The following ADRB3 variants were observed in gnomAD, a reference collection of about 807,000 sequenced individuals.
ADRB3 encodes the protein beta-3 adrenergic receptor.
A neutral mutation model predicts 23.8 loss-of-function variants in ADRB3; 33 were observed. The ratio of observed to expected loss-of-function variants is 1.38; its 90% confidence interval spans 1.05 to 1.85. ADRB3 has a LOEUF of 1.85. Among genes scored for constraint, ADRB3 ranks in the 40% most tolerant of loss-of-function variants. ADRB3 has a pLI of 0.00. For synonymous variants in ADRB3, 289 were observed against 273.0 expected (o/e 1.06, Z -0.58); for missense variants, 600 against 579.6 (o/e 1.04, Z -0.36).
intron 1 of ADRB3, 56 bp from the exon 2 acceptor site, chr8:37,964,295 T>A: frequency 1.4e-6 from 2 of 1,461,916 alleles, no homozygotes; most frequent in South Asian, 2.3e-5. Context: ...ACAGGTGCAC[T>A]GAGGGGAATG....
rs1563398142 is a variant in ADRB3, at chr8:37,966,158, C to CGTTG, written c.311_312insCAAC (p.Leu105AsnfsTer317). ...ACAGCTCGCAGCCAGTGGCGCCCAA[C>CGTTG]GGCCAGTGGCCAGTCAGCGCCAAGG... On this transcript the variant is annotated frameshift_variant, in exon 1 of 2. Coordinates refer to ENST00000345060, the MANE Select transcript of ADRB3 (RefSeq NM_000025.3). LOFTEE classifies it high-confidence loss of function. The CGTTG allele has an allele frequency of 1.9e-6, 3 of 1,610,010 alleles. No individual in the cohort carries two copies. The Admixed American group carries it at 5.0e-5, about 27-fold the overall frequency.
Position 37,965,321 on chromosome 8 carries a change from G to C in ADRB3, c.1149C>G (p.Gly383=), listed in dbSNP as rs1265613004. 1.9e-6 allele frequency: 3 copies of C among 1,541,924 alleles called. No individual in the cohort carries two copies. Among genetic ancestry groups the C allele is most frequent in the Non-Finnish European group, 2.6e-6 (3 of 1,147,890 alleles). ...AAARPALFPS[G]VPAARSSPAQ... ...CTGGGCTGCTCCGGGCCGCAGGAAC[G>C]CCCGAGGGGAAGAGGGCCGGGCGGG... The change falls in exon 1 of 2, where the codon GGC becomes GGG. Residue 383 remains glycine (G), a synonymous_variant. Transcript: ENST00000345060.
At position 37,965,669 on chromosome 8, in the gene ADRB3, A is replaced by G. The variant is rs781541551; in HGVS notation, c.801T>C (p.Ala267=). The stretch of plus-strand genomic sequence containing the variant: ...CGCAGGCGGGCACCCCTTCGGGCGG[A>G]GCGCACGTCCCCACCGGGGCCGGGG... The part of the protein sequence containing the change: ...SLAPAPVGTC[A]PPEGVPACGR... Residue 267 remains alanine (A), a synonymous_variant, in exon 1 of 2, where the codon GCT becomes GCC. Transcript: ENST00000345060. The G allele has an allele frequency of 5.9e-6, 9 of 1,536,500 alleles. No homozygotes were observed. Among genetic ancestry groups the G allele is most frequent in the Non-Finnish European group, 7.0e-6 (8 of 1,141,484 alleles).
rs1808231919 is a variant in ADRB3, at chr8:37,963,159, ACACACACACACACACACACG to A, written c.*1039_*1058del. 1.3e-5 allele frequency: 2 copies of A among 149,446 alleles called. No homozygotes were observed. The highest frequency in any genetic ancestry group is 3.0e-5 in the Non-Finnish European group (2 of 67,172). 9.3% of individuals were successfully genotyped at this position (149,446 alleles called of 1,614,324 possible). A position where few individuals can be genotyped will look rare whatever the true frequency, so the allele number is the denominator to read the frequency against. The stretch of plus-strand genomic sequence containing the variant: ...ATGCTTTGTGCCTGTGCCTCCAGAC[ACACACACACACACACACACG>A]CACACACACACACACACACCATGTA... On this transcript the variant is annotated 3_prime_UTR_variant, in exon 2 of 2. Transcript: ENST00000345060.
chr8:37,965,360 C>G lies in ADRB3; in HGVS notation c.1110G>C (p.Glu370Asp), dbSNP rs1215852163. ...GGGCCGGGCGGGCGGCGGCGCAGGGCTCCGGAGGCAGGCGACGGCCGCAGC... is the reference window on the plus strand; with the variant it reads ...GGGCCGGGCGGGCGGCGGCGCAGGGGTCCGGAGGCAGGCGACGGCCGCAGC... ...LCRCGRRLPP[E>D]PCAAARPALF... The change falls in exon 1 of 2, where the codon GAG becomes GAC. Residue 370 changes from glutamate to aspartate, a missense_variant. Glu to Asp is a conservative substitution (Grantham distance 45). Coordinates refer to ENST00000345060, the MANE Select transcript of ADRB3 (RefSeq NM_000025.3). 6 of 1,547,376 alleles carry G rather than the reference C, an allele frequency of 3.9e-6. No individual in the cohort carries two copies. Among genetic ancestry groups the G allele is most frequent in the Non-Finnish European group, 5.2e-6 (6 of 1,146,134 alleles).
rs778036430 is a variant in ADRB3, at chr8:37,965,858, G to A, written c.612C>T (p.Tyr204=). The A allele has an allele frequency of 1.3e-6, 2 of 1,553,700 alleles. No individual in the cohort carries two copies. The highest frequency in any genetic ancestry group is 4.8e-5 in the East Asian group (2 of 41,276). ...AGGAGACGGAGGAGGACAGCAGCAC[G>A]TAGGGCATGTTGGAGGCGAAGGCAC... ...RCCAFASNMP[Y]VLLSSSVSFY... The change falls in exon 1 of 2, where the codon TAC becomes TAT. Residue 204 remains tyrosine (Y), a synonymous_variant. Transcript: ENST00000345060.
At chr8:37,964,283 C>A in intron 1 of ADRB3, 44 bp from the exon 2 acceptor site, 1 of 1,560,040 alleles carries the variant, frequency 6.4e-7, no homozygotes, top group Admixed American at 1.7e-5. Context: ...GTGAAAGGAG[C>A]AACAGGTGCA....
chr8:37,965,165 C>T lies in ADRB3; in HGVS notation c.1205+100G>A, dbSNP rs1344529189. On this transcript the variant is annotated intron_variant, in intron 1 of 1. Transcript: ENST00000345060. ...CTTTTCTCTCCAAGCAAAGCCATCC[C>T]ACCTTCTCTTAATAAACTCCACACT... 7.4e-6 allele frequency: 9 copies of T among 1,211,888 alleles called. No individual in the cohort carries two copies. The East Asian group carries it at 1.7e-4, about 24-fold the overall frequency. The allele number at this position is 1,211,888 out of a possible 1,614,324, so 75.1% of individuals were successfully genotyped here. A position where few individuals can be genotyped will look rare whatever the true frequency, so the allele number is the denominator to read the frequency against.
At position 37,966,278 on chromosome 8, in the gene ADRB3, C is replaced by A; in HGVS notation, c.192G>T (p.Trp64Cys). ...TGGTCATGGTCTGGAGTCTCGGAGT[C>A]CAGGCGATGGCCACGATGACCAGCA... is the stretch of plus-strand genomic sequence containing the variant. ...GNLLVIVAIAWTPRLQTMTNV... is the reference protein window; with the variant it reads ...GNLLVIVAIACTPRLQTMTNV... The change falls in exon 1 of 2, where the codon TGG becomes TGT. Residue 64 changes from tryptophan to cysteine, a missense_variant. Transcript: ENST00000345060. 6.2e-7 allele frequency: 1 copy of A among 1,613,772 alleles called. No individual in the cohort carries two copies. The highest frequency in any genetic ancestry group is 8.5e-7 in the Non-Finnish European group (1 of 1,179,834).
At position 37,965,626 on chromosome 8, in the gene ADRB3, GGC is replaced by G; in HGVS notation, c.842_843del (p.Arg281ProfsTer139). ...GVPACGRRPARLLPLREHRAL... is the reference protein window; with the variant it reads ...GVPACGRRPAXLLPLREHRAL... Reference sequence around the variant, plus strand: ...GCCCGGTGTTCCCGGAGAGGCAGGAGGCGCGCGGGCCGCCGGCCGCAGGCGGG... The same window carrying G: ...GCCCGGTGTTCCCGGAGAGGCAGGAGGCGCGGGCCGCCGGCCGCAGGCGGG... On this transcript the variant is annotated frameshift_variant, in exon 1 of 2. Transcript: ENST00000345060. LOFTEE classifies it high-confidence loss of function. 1 of 1,534,484 alleles carries G rather than the reference GGC, an allele frequency of 6.5e-7. No homozygotes were observed.
Position 37,965,834 on chromosome 8 carries a change from G to A in ADRB3, c.636C>T (p.Ser212=), listed in dbSNP as rs1429691811. Residue 212 remains serine, a synonymous_variant, in exon 1 of 2, where the codon TCC becomes TCT. Transcript: ENST00000345060. ...MPYVLLSSSV[S]FYLPLLVMLF... Reference sequence around the variant, plus strand: ...GCATCACGAGAAGAGGAAGGTAGAAGGAGACGGAGGAGGACAGCAGCACGT... The same window carrying A: ...GCATCACGAGAAGAGGAAGGTAGAAAGAGACGGAGGAGGACAGCAGCACGT... 2 of 1,553,326 alleles carry A rather than the reference G, an allele frequency of 1.3e-6. No individual in the cohort carries two copies. Among genetic ancestry groups the A allele is most frequent in the Admixed American group, 2.0e-5 (1 of 51,044 alleles).
Position 37,965,344 on chromosome 8 carries a change from G to A in ADRB3, c.1126C>T (p.Arg376Cys), listed in dbSNP as rs1043543911. The change falls in exon 1 of 2, where the codon CGC (arginine) becomes TGC (cysteine). Residue 376 changes from arginine (R) to cysteine (C), a missense_variant. Transcript: ENST00000345060. Reference protein sequence around the residue: ...RLPPEPCAAARPALFPSGVPA... With the variant: ...RLPPEPCAAACPALFPSGVPA... ...ACGCCCGAGGGGAAGAGGGCCGGGCGGGCGGCGGCGCAGGGCTCCGGAGGC... is the reference window on the plus strand; with the variant it reads ...ACGCCCGAGGGGAAGAGGGCCGGGCAGGCGGCGGCGCAGGGCTCCGGAGGC... The A allele has an allele frequency of 2.6e-6, 4 of 1,542,906 alleles. No homozygotes were observed. The highest frequency in any genetic ancestry group is 1.4e-5 in the African/African-American group (1 of 72,374).
At chr8:37,964,313 T>A (rs2130308932) in intron 1 of ADRB3, 74 bp from the exon 2 acceptor site, 1 of 1,324,684 alleles carries the variant, frequency 7.5e-7, no homozygotes, top group East Asian at 2.3e-5. Context: ...ATGACAGAGA[T>A]CAGAGACCCT....
chr8:37,966,122 C>T lies in ADRB3; in HGVS notation c.348G>A (p.Val116=), dbSNP rs1378625903. ...GATGCELWTS[V]DVLCVTASIE... Reference sequence around the variant, plus strand: ...TGCTGGCGGTCACACACAGCACGTCCACCGAGGTCCACAGCTCGCAGCCAG... The same window carrying T: ...TGCTGGCGGTCACACACAGCACGTCTACCGAGGTCCACAGCTCGCAGCCAG... The change falls in exon 1 of 2, where the codon GTG becomes GTA. Residue 116 remains valine (V), a synonymous_variant. Coordinates refer to ENST00000345060, the MANE Select transcript of ADRB3 (RefSeq NM_000025.3). The T allele has an allele frequency of 6.2e-7, 1 of 1,611,426 alleles. No homozygotes were observed. Among genetic ancestry groups the T allele is most frequent in the Admixed American group, 1.7e-5 (1 of 59,684 alleles).
chr8:37,965,804 G>A lies in ADRB3; in HGVS notation c.666C>T (p.Phe222=). ...CCACCACGAAAACCCGCGCGTAGACGAAGAGCATCACGAGAAGAGGAAGGT... is the reference window on the plus strand; with the variant it reads ...CCACCACGAAAACCCGCGCGTAGACAAAGAGCATCACGAGAAGAGGAAGGT... ...SFYLPLLVML[F]VYARVFVVAT... is the part of the protein sequence containing the mutation. Residue 222 remains phenylalanine, a synonymous_variant, in exon 1 of 2, where the codon TTC becomes TTT. Transcript: ENST00000345060. 6.4e-7 allele frequency: 1 copy of A among 1,552,314 alleles called. No individual in the cohort carries two copies. The highest frequency in any genetic ancestry group is 8.7e-7 in the Non-Finnish European group (1 of 1,147,224).
Position 37,965,567 on chromosome 8 carries a change from GA to G in ADRB3, c.902del (p.Phe301SerfsTer22). 6.5e-7 allele frequency: 1 copy of G among 1,550,350 alleles called. No individual in the cohort carries two copies. The highest frequency in any genetic ancestry group is 2.4e-5 in the East Asian group (1 of 40,922). On this transcript the variant is annotated frameshift_variant, in exon 1 of 2. Transcript: ENST00000345060. LOFTEE classifies it high-confidence loss of function. ...LCTLGLIMGTFTLCWLPFFLA... is the reference protein window; with the variant it reads ...LCTLGLIMGTXTLCWLPFFLA... ...GAAAGAAGGGCAACCAGCAGAGAGTGAAGGTGCCCATGATGAGACCCAAGGT... is the reference window on the plus strand; with the variant it reads ...GAAAGAAGGGCAACCAGCAGAGAGTGAGGTGCCCATGATGAGACCCAAGGT...
chr8:37,964,376 G>A lies in ADRB3; in HGVS notation c.1206-137C>T, dbSNP rs948511784. On this transcript the variant is annotated intron_variant, in intron 1 of 1. Coordinates refer to ENST00000345060, the MANE Select transcript of ADRB3 (RefSeq NM_000025.3). ...GCCAGGGCACCACCCAGCCACACAC[G>A]CCCCACCCCATCCCTACTCCAACCC... The A allele has an allele frequency of 9.7e-6, 7 of 721,044 alleles. 1 individual carries two copies. The highest frequency in any genetic ancestry group is 3.4e-5 in the South Asian group (2 of 58,888). The allele number at this position is 721,044 out of a possible 1,614,324, so 44.7% of individuals were successfully genotyped here.
At chr8:37,964,821 A>G (rs1808264401) in intron 1 of ADRB3, among the ~76,000 whole-genome samples, 2 of 152,204 alleles carry the variant, frequency 1.3e-5, no homozygotes, top group African/African-American at 2.4e-5. Flanking sequence ...AGTCCCAGAT[A>G]CTCAGGAGGC....
chr8:37,966,200 C>T lies in ADRB3; in HGVS notation c.270G>A (p.Val90=). 6.2e-7 allele frequency: 1 copy of T among 1,612,666 alleles called. No individual in the cohort carries two copies. The highest frequency in any genetic ancestry group is 1.1e-5 in the South Asian group (1 of 90,948). The part of the protein sequence containing the change: ...AAADLVMGLL[V]VPPAATLALT... ...GCGCCAAGGTGGCCGCCGGCGGCACCACCAGGAGTCCCATCACCAGGTCGG... is the reference window on the plus strand; with the variant it reads ...GCGCCAAGGTGGCCGCCGGCGGCACTACCAGGAGTCCCATCACCAGGTCGG... The change falls in exon 1 of 2, where the codon GTG becomes GTA. Residue 90 remains valine, a synonymous_variant. Transcript: ENST00000345060.
Sources: gnomAD v4.1 joint callset for allele counts (sites outside exome capture counted in the v4.1 genomes callset) on GRCh38, gnomAD v4.1.1 for gene constraint, MANE v1.5 for transcripts, NCBI Gene and HGNC (gene_info 2026-07-23, HGNC 2026-07-21) for gene names.